RBM33: variants seen among roughly 807,000 people sequenced by gnomAD.
RBM33 encodes RNA-binding protein 33.
RBM33 carries 28 observed loss-of-function variants against 132.6 expected under a neutral mutation model. The ratio of observed to expected loss-of-function variants is 0.21; its 90% confidence interval spans 0.16 to 0.29. The LOEUF (loss-of-function observed/expected upper bound fraction) is 0.29, where lower values mean the gene tolerates loss of function less well. Among genes scored for constraint, RBM33 ranks in the 10% least tolerant of loss-of-function variants. The pLI, the probability that RBM33 is intolerant of heterozygous loss-of-function variation, is 1.00. For missense variants in RBM33, 1,291 were observed against 1,518.5 expected, an observed-to-expected ratio of 0.85 and a Z score of 2.49; for synonymous variants, 634 against 593.0, an observed-to-expected ratio of 1.07 and a Z score of -1.01.
intron 6 of RBM33, 102 bp downstream of exon 6, chr7:155,701,046 A>G (rs1473821385): frequency 9.7e-7 from 1 of 1,030,856 alleles, no homozygotes; most frequent in Admixed American, 2.0e-5. Context: ...TTGACTAGGT[A>G]ATTGCGGCTG....
intron 16 of RBM33, among the ~76,000 whole-genome samples, chr7:155,769,648 G>C (rs756971065): frequency 1.3e-5 from 2 of 152,104 alleles, no homozygotes; most frequent in East Asian, 1.9e-4. Context: ...TTCTGCTTCT[G>C]CTTCTAAGAT....
At chr7:155,673,940 G>GTTGTTTTTTGTTTTTTTTTT in intron 3 of RBM33, among the ~76,000 whole-genome samples, 1 of 54,214 alleles carries the variant, frequency 1.8e-5, no homozygotes, top group African/African-American at 8.3e-5. Context: ...TTTAGGCTTA[G>GTTGTTTTTTGTTTTTTTTTT]TTTTTTTTTT....
intron 9 of RBM33, among the ~76,000 whole-genome samples, chr7:155,727,768 A>G (rs1316730601): frequency 6.6e-6 from 1 of 152,172 alleles, no homozygotes; most frequent in Non-Finnish European, 1.5e-5. Context: ...GTAACCGCCC[A>G]TCCCCGCTTT....
intron 5 of RBM33, among the ~76,000 whole-genome samples, chr7:155,685,690 G>A (rs1369324078): frequency 6.6e-6 from 1 of 152,184 alleles, no homozygotes; most frequent in Non-Finnish European, 1.5e-5. Context: ...TGAGAAAGGT[G>A]GGGTGAGGCA....
chr7:155,644,974 T>C, intron 1 of RBM33, 55 bp downstream of exon 1: 7 of 1,392,634 alleles, frequency 5.0e-6, no homozygotes, highest in Non-Finnish European at 6.6e-6. Context: ...TGGGCGGGGG[T>C]GTAGGCCGGG....
At chr7:155,694,220 T>C (rs1011841716) in intron 5 of RBM33, among the ~76,000 whole-genome samples, 3 of 152,224 alleles carry the variant, frequency 2.0e-5, no homozygotes, top group African/African-American at 7.2e-5. Flanking sequence ...TAACTAATGT[T>C]CTTCCTTGGT....
At chr7:155,661,174 C>T (rs1389136846) in intron 1 of RBM33, among the ~76,000 whole-genome samples, 1 of 125,754 alleles carries the variant, frequency 8.0e-6, no homozygotes, top group Non-Finnish European at 1.6e-5. Context: ...CAGAGTCTCA[C>T]TCTTGCCAGG....
intron 5 of RBM33, chr7:155,685,135 C>A: frequency 7.2e-7 from 1 of 1,386,926 alleles, no homozygotes; most frequent in Non-Finnish European, 9.8e-7. Flanking sequence ...TTAGCATTAG[C>A]GAAAGTCGAT....
chr7:155,683,619 G>A (rs967947695), intron 5 of RBM33, among the ~76,000 whole-genome samples: 1 of 152,182 alleles, frequency 6.6e-6, no homozygotes, highest in African/African-American at 2.4e-5. Flanking sequence ...AAAGCTGGAC[G>A]CACAGCTCTG....
intron 9 of RBM33, among the ~76,000 whole-genome samples, chr7:155,732,197 C>T (rs1453649667): frequency 6.6e-6 from 1 of 152,190 alleles, no homozygotes; most frequent in African/African-American, 2.4e-5. Context: ...TGTGTAATTA[C>T]CTGTCATTCT....
Position 155,710,868 on chromosome 7 carries a change from G to A in RBM33, c.949-335G>A, listed in dbSNP as rs142403157. ...CAGCTGCTCTTCTGTCCCTGGCACA[G>A]GGCTTTGCTCAGTGTGGGCAGTTCA... On this transcript the variant is annotated intron_variant, in intron 7 of 17. Coordinates refer to ENST00000401878, the MANE Select transcript of RBM33 (RefSeq NM_053043.3). 1.8e-3 allele frequency among the ~76,000 whole-genome samples: 277 copies of A among 151,816 alleles called. 2 individuals carry two copies. The highest frequency in any genetic ancestry group is 6.4e-3 in the African/African-American group (264 of 41,374).
chr7:155,743,098 TTGTAA>T (rs1354497736), intron 13 of RBM33, among the ~76,000 whole-genome samples: 17 of 152,354 alleles, frequency 1.1e-4, no homozygotes, highest in African/African-American at 2.6e-4. Flanking sequence ...ATTGTAGCAG[TTGTAA>T]TGTATTGTTT....
intron 9 of RBM33, among the ~76,000 whole-genome samples, chr7:155,719,132 G>A (rs1800550772): frequency 6.6e-6 from 1 of 151,716 alleles, no homozygotes; most frequent in African/African-American, 2.4e-5. Context: ...TGAATTTTTG[G>A]TTCAGTGTGT....
intron 1 of RBM33, among the ~76,000 whole-genome samples, chr7:155,657,603 C>G (rs1404084053): frequency 6.6e-6 from 1 of 152,158 alleles, no homozygotes; most frequent in Non-Finnish European, 1.5e-5. Flanking sequence ...AAATTTCTGA[C>G]CTCAAGCAAT....
intron 14 of RBM33, among the ~76,000 whole-genome samples, chr7:155,759,499 G>T (rs1249858661): frequency 1.4e-5 from 2 of 145,146 alleles, no homozygotes; most frequent in African/African-American, 5.2e-5. Context: ...CTCACTGCAA[G>T]CTCCGCCTCC....
intron 7 of RBM33, 72 bp downstream of exon 7, chr7:155,707,140 A>G (rs532291642): frequency 3.2e-5 from 40 of 1,237,234 alleles, no homozygotes; most frequent in Middle Eastern, 2.0e-4. Flanking sequence ...TGGGTATCCT[A>G]GTATACATTT....
intron 14 of RBM33, among the ~76,000 whole-genome samples, chr7:155,748,313 C>T (rs945110591): frequency 3.9e-5 from 6 of 152,122 alleles, no homozygotes; most frequent in African/African-American, 1.4e-4. Context: ...GCATTTAATT[C>T]AATTATTCTT....
intron 9 of RBM33, among the ~76,000 whole-genome samples, chr7:155,727,346 G>T (rs905511032): frequency 1.3e-5 from 2 of 152,158 alleles, no homozygotes; most frequent in Non-Finnish European, 2.9e-5. Flanking sequence ...GTTGGAATAT[G>T]TAGTTTTTAG....
rs1363759599 is a variant in RBM33 at position 155,644,900 on chromosome 7, C to T, written c.24C>T (p.Ser8=). Residue 8 remains serine (S), a synonymous_variant, in exon 1 of 18, where the codon AGC becomes AGT. Transcript: ENST00000401878. ...CCATGGCGGCCGCCCTGGGAGCGAG[C>T]GGAGGAGCAGGCGCCGGAGGTACGT... MAAALGA[S]GGAGAGDDDF... 2.7e-6 allele frequency: 4 copies of T among 1,498,982 alleles called. No individual in the cohort carries two copies. The South Asian group carries it at 3.7e-5, about 14-fold the overall frequency. 92.9% of individuals were successfully genotyped at this position (1,498,982 alleles called of 1,614,324 possible). A position where few individuals can be genotyped will look rare whatever the true frequency, so the allele number is the denominator to read the frequency against.
Sources: allele counts gnomAD v4.1 joint callset (sites outside exome capture counted in the v4.1 genomes callset), GRCh38; gene constraint gnomAD v4.1.1; transcripts MANE v1.5; gene names NCBI Gene and HGNC (gene_info 2026-07-23, HGNC 2026-07-21).